The following CA9 variants were observed in gnomAD, a reference collection of about 807,000 sequenced individuals.
CA9 encodes the protein CA-IX.
Under a neutral mutation model 51.8 loss-of-function variants are expected in CA9, and 43 were observed. The observed-to-expected ratio is 0.83, with a 90% CI of 0.65 to 1.07. The LOEUF (loss-of-function observed/expected upper bound fraction) is 1.07. Ranked by LOEUF, CA9 falls within the 50% of genes least tolerant of loss-of-function variation. The probability of loss-of-function intolerance (pLI) is 0.00; values close to 1 mark genes in which losing one functional copy is unlikely to be tolerated. For synonymous variants in CA9, 253 were observed against 244.2 expected (o/e 1.04, Z -0.34); for missense variants, 574 against 581.4 (o/e 0.99, Z 0.13).
In CA9 at chr9:35,679,304, A is replaced by C; in HGVS notation, c.1027A>C (p.Thr343Pro). ...TPPCAQGVIWTVFNQTVMLSA... is the reference protein window; with the variant it reads ...TPPCAQGVIWPVFNQTVMLSA... ...GCCCTGTGCCCAGGGTGTCATCTGG[A>C]CTGTGTTTAACCAGACAGTGATGCT... Residue 343 changes from threonine to proline, a missense_variant, in exon 7 of 11, where the codon ACT (threonine) becomes CCT (proline). By Grantham distance (38) the Thr-to-Pro change is conservative. Coordinates refer to ENST00000378357, the MANE Select transcript of CA9 (RefSeq NM_001216.3). 1.2e-6 allele frequency: 2 copies of C among 1,614,084 alleles called. No individual in the cohort carries two copies. The highest frequency in any genetic ancestry group is 1.7e-6 in the Non-Finnish European group (2 of 1,180,018).
At chr9:35,675,015 A>G (rs1824388759) in intron 1 of CA9, 1 of 151,714 alleles carries the variant, frequency 6.6e-6, no homozygotes, top group Admixed American at 6.5e-5. Flanking sequence ...TTTGAGACAA[A>G]CTTTCACTTT....
rs1824424066 is a variant in CA9, at chr9:35,676,400, C to G, written c.840+11C>G. The G allele has an allele frequency of 6.2e-7, 1 of 1,602,294 alleles. No homozygotes were observed. The highest frequency in any genetic ancestry group is 1.3e-5 in the African/African-American group (1 of 74,750). On this transcript the variant is annotated intron_variant, in intron 5 of 10. Coordinates refer to ENST00000378357, the MANE Select transcript of CA9 (RefSeq NM_001216.3). ...GCCGCCTTTCTGGAGGTACCAGATC[C>G]TGGACACCCCCTACTCCCCGCTTTC...
At position 35,677,824 on chromosome 9, in the gene CA9, T is replaced by C. The variant is rs1563922937; in HGVS notation, c.875T>C (p.Leu292Ser). Residue 292 changes from leucine to serine, a missense_variant, in exon 6 of 11, where the codon TTG becomes TCG. Physicochemically the swap from Leu to Ser is moderately radical, Grantham distance 145. Transcript: ENST00000378357. ...GPEENSAYEQLLSRLEEIAEE... is the reference protein window; with the variant it reads ...GPEENSAYEQSLSRLEEIAEE... ...GAAGAAAACAGTGCCTATGAGCAGTTGCTGTCTCGCTTGGAAGAAATCGCT... is the reference window on the plus strand; with the variant it reads ...GAAGAAAACAGTGCCTATGAGCAGTCGCTGTCTCGCTTGGAAGAAATCGCT... The C allele has an allele frequency of 1.9e-6, 3 of 1,614,188 alleles. No individual in the cohort carries two copies. The highest frequency in any genetic ancestry group is 2.5e-6 in the Non-Finnish European group (3 of 1,180,010).
chr9:35,674,040 G>A lies in CA9; in HGVS notation c.81G>A (p.Leu27=), dbSNP rs1824369439. ...PAPGLTVQLL[L]SLLLLVPVHP... ...CAGGCCTCACTGTGCAACTGCTGCTGTCACTGCTGCTTCTGGTGCCTGTCC... is the reference window on the plus strand; with the variant it reads ...CAGGCCTCACTGTGCAACTGCTGCTATCACTGCTGCTTCTGGTGCCTGTCC... Residue 27 remains leucine, a synonymous_variant, in exon 1 of 11, where the codon CTG becomes CTA. Coordinates refer to ENST00000378357, the MANE Select transcript of CA9 (RefSeq NM_001216.3). The A allele has an allele frequency of 9.9e-6, 16 of 1,614,200 alleles. No individual in the cohort carries two copies. Among genetic ancestry groups the A allele is most frequent in the Non-Finnish European group, 1.4e-5 (16 of 1,180,024 alleles).
chr9:35,679,013 A>G (rs1248330870), intron 6 of CA9, among the ~76,000 whole-genome samples, 172 bp from the exon 7 acceptor site: 1 of 151,206 alleles, frequency 6.6e-6, no homozygotes, highest in African/African-American at 2.4e-5. Context: ...GTTGCTCCAA[A>G]GCCCTGTACT....
rs1336562008 is a variant in CA9, at chr9:35,674,217, G to C, written c.258G>C (p.Glu86Asp). 7 of 1,612,506 alleles carry C rather than the reference G, an allele frequency of 4.3e-6. No individual in the cohort carries two copies. The Admixed American group carries it at 1.0e-4, about 23-fold the overall frequency. ...CCGGAGAGGAGGATCTACCTGGAGA[G>C]GAGGATCTACCTGGAGAGGAGGATC... ...DPPGEEDLPG[E>D]EDLPGEEDLP... Residue 86 changes from glutamate (E) to aspartate (D), a missense_variant, in exon 1 of 11, where the codon GAG (glutamate) becomes GAC (aspartate). Transcript: ENST00000378357.
At position 35,681,029 on chromosome 9, in the gene CA9, C is replaced by T. The variant is rs200024122; in HGVS notation, c.*4C>T. 1.9e-6 allele frequency: 3 copies of T among 1,613,480 alleles called. No homozygotes were observed. The highest frequency in any genetic ancestry group is 3.3e-5 in the Admixed American group (2 of 59,930). ...GGTAGCCGAGACTGGAGCCTAGAGGCTGGATCTTGGAGAATGTGAGAAGCC... is the reference window on the plus strand; with the variant it reads ...GGTAGCCGAGACTGGAGCCTAGAGGTTGGATCTTGGAGAATGTGAGAAGCC... On this transcript the variant is annotated 3_prime_UTR_variant, in exon 11 of 11. Coordinates refer to ENST00000378357, the MANE Select transcript of CA9 (RefSeq NM_001216.3).
intron 5 of CA9, 60 bp downstream of exon 5, chr9:35,676,449 CTA>C (rs1423740728): frequency 1.4e-6 from 2 of 1,380,618 alleles, no homozygotes; most frequent in Non-Finnish European, 2.0e-6. Context: ...CTCCCGGACT[CTA>C]TCGTGGAGCC....
At position 35,679,177 on chromosome 9, in the gene CA9, C is replaced by G. The variant is rs1824481546; in HGVS notation, c.908-8C>G. On this transcript the variant is annotated splice_polypyrimidine_tract_variant and splice_region_variant and intron_variant, in intron 6 of 10. Coordinates refer to ENST00000378357, the MANE Select transcript of CA9 (RefSeq NM_001216.3). Reference sequence around the variant, plus strand: ...TAGATGAGACCCCAACATAGATCCTCTTCACAGGCTCAGAGACTCAGGTCC... The same window carrying G: ...TAGATGAGACCCCAACATAGATCCTGTTCACAGGCTCAGAGACTCAGGTCC... 1 of 1,613,976 alleles carries G rather than the reference C, an allele frequency of 6.2e-7. No homozygotes were observed. Among genetic ancestry groups the G allele is most frequent in the Non-Finnish European group, 8.5e-7 (1 of 1,179,992 alleles).
rs200651095 is a variant in CA9, at chr9:35,674,084, G to A, written c.125G>A (p.Arg42Gln). ...CCTGTCCATCCCCAGAGGTTGCCCCGGATGCAGGAGGATTCCCCCTTGGGA... is the reference window on the plus strand; with the variant it reads ...CCTGTCCATCCCCAGAGGTTGCCCCAGATGCAGGAGGATTCCCCCTTGGGA... ...LVPVHPQRLP[R>Q]MQEDSPLGGG... The change falls in exon 1 of 11, where the codon CGG (arginine) becomes CAG (glutamine). Residue 42 changes from arginine (R) to glutamine (Q), a missense_variant. Physicochemically the swap from Arg to Gln is conservative, Grantham distance 43. Coordinates refer to ENST00000378357, the MANE Select transcript of CA9 (RefSeq NM_001216.3). 3.7e-6 allele frequency: 6 copies of A among 1,614,168 alleles called. No homozygotes were observed. Among genetic ancestry groups the A allele is most frequent in the South Asian group, 3.3e-5 (3 of 91,084 alleles).
intron 4 of CA9, 26 bp downstream of exon 4, chr9:35,676,232 G>C: frequency 6.2e-7 from 1 of 1,612,880 alleles, no homozygotes. Context: ...GCCGAGAAGG[G>C]GCAAAGGAGC....
At position 35,676,350 on chromosome 9, in the gene CA9, G is replaced by A. The variant is rs780478111; in HGVS notation, c.801G>A (p.Gly267=). The A allele has an allele frequency of 4.6e-5, 75 of 1,613,868 alleles. No homozygotes were observed. Among genetic ancestry groups the A allele is most frequent in the Non-Finnish European group, 3.8e-5 (45 of 1,179,996 alleles). The change falls in exon 5 of 11, where the codon GGG becomes GGA. Residue 267 remains glycine, a synonymous_variant. Transcript: ENST00000378357. ...TAFARVDEAL[G]RPGGLAVLAA... The stretch of plus-strand genomic sequence containing the variant: ...TTGCCAGAGTTGACGAGGCCTTGGG[G>A]CGCCCGGGAGGCCTGGCCGTGTTGG...
In CA9 at chr9:35,680,079, C is replaced by G. The variant is rs1587947363; in HGVS notation, c.1211-34C>G. 4 of 1,614,150 alleles carry G rather than the reference C, an allele frequency of 2.5e-6. No individual in the cohort carries two copies. The East Asian group carries it at 8.9e-5, about 36-fold the overall frequency. The stretch of plus-strand genomic sequence containing the variant: ...TGCCAGTGTCTGTCATTGGTGGTCA[C>G]AGCCCGCCTCTCACATCTCCTTTTT... On this transcript the variant is annotated intron_variant, in intron 8 of 10. Transcript: ENST00000378357.
chr9:35,675,543 G>A lies in CA9; in HGVS notation c.409G>A (p.Asp137Asn). 6.2e-7 allele frequency: 1 copy of A among 1,614,170 alleles called. No homozygotes were observed. The highest frequency in any genetic ancestry group is 8.5e-7 in the Non-Finnish European group (1 of 1,180,014). The change falls in exon 2 of 11, where the codon GAC becomes AAC. Residue 137 changes from aspartate to asparagine, a missense_variant. Transcript: ENST00000378357. ...CATCCTTTTCATTTATACAGGGGATGACCAGAGTCATTGGCGCTATGGAGG... is the reference window on the plus strand; with the variant it reads ...CATCCTTTTCATTTATACAGGGGATAACCAGAGTCATTGGCGCTATGGAGG... ...NNAHRDKEGDDQSHWRYGGDP... is the reference protein window; with the variant it reads ...NNAHRDKEGDNQSHWRYGGDP...
intron 4 of CA9, 25 bp from the exon 5 acceptor site, chr9:35,676,272 T>C: frequency 6.2e-7 from 1 of 1,613,786 alleles, no homozygotes; most frequent in Non-Finnish European, 8.5e-7. Flanking sequence ...GACGTGGCCC[T>C]CTCCTACCCT....
In CA9 at chr9:35,674,014, C is replaced by G. The variant is rs752741901; in HGVS notation, c.55C>G (p.Pro19Ala). ...WLPLLIPAPA[P>A]GLTVQLLLSL... The stretch of plus-strand genomic sequence containing the variant: ...CCCTCTGTTGATCCCGGCCCCTGCT[C>G]CAGGCCTCACTGTGCAACTGCTGCT... The change falls in exon 1 of 11, where the codon CCA (proline) becomes GCA (alanine). Residue 19 changes from proline (P) to alanine (A), a missense_variant. Pro to Ala is a conservative substitution (Grantham distance 27). Coordinates refer to ENST00000378357, the MANE Select transcript of CA9 (RefSeq NM_001216.3). 3.1e-6 allele frequency: 5 copies of G among 1,613,858 alleles called. No homozygotes were observed. The highest frequency in any genetic ancestry group is 4.2e-6 in the Non-Finnish European group (5 of 1,179,860).
intron 6 of CA9, among the ~76,000 whole-genome samples, chr9:35,678,454 C>G (rs950473397): frequency 6.6e-6 from 1 of 151,078 alleles, no homozygotes; most frequent in African/African-American, 2.4e-5. Context: ...GAGAGCTAAA[C>G]TTTTTCTGAG....
chr9:35,679,077 T>C, intron 6 of CA9, 108 bp from the exon 7 acceptor site: 1 of 1,210,926 alleles, frequency 8.3e-7, no homozygotes, highest in African/African-American at 1.5e-5. Flanking sequence ...AGAAGTGGTC[T>C]CAGAGTTGAG....
chr9:35,678,526 G>A (rs1311510320), intron 6 of CA9, among the ~76,000 whole-genome samples: 6 of 151,796 alleles, frequency 4.0e-5, no homozygotes, highest in African/African-American at 9.7e-5. Flanking sequence ...GTTGGAAATC[G>A]TTCTCTTCTT....
Sources: gnomAD v4.1 joint callset for allele counts (sites outside exome capture counted in the v4.1 genomes callset) on GRCh38, gnomAD v4.1.1 for gene constraint, MANE v1.5 for transcripts, NCBI Gene and HGNC (gene_info 2026-07-23, HGNC 2026-07-21) for gene names.